The following OPA1 variants were observed in gnomAD, a reference collection of about 807,000 sequenced individuals.
OPA1 encodes the protein OPA1 mitochondrial dynamin like GTPase, also known as dynamin-like GTPase OPA1, mitochondrial.
In OPA1, 59 loss-of-function variants were observed where a neutral mutation model predicts 152.9. The observed-to-expected ratio is 0.39, with a 90% CI of 0.31 to 0.48. The LOEUF is 0.48. Ranked by LOEUF, OPA1 falls within the 20% of genes least tolerant of loss-of-function variation. OPA1 has a pLI of 0.96. For missense variants in OPA1, 1,008 were observed against 1,216.8 expected (o/e 0.83, Z 2.55); for synonymous variants, 400 against 389.9 (o/e 1.03, Z -0.31).
chr3:193,619,149 A>C (rs190921915), intron 6 of OPA1, among the ~76,000 whole-genome samples: 1 of 152,220 alleles, frequency 6.6e-6, no homozygotes, highest in Admixed American at 6.5e-5. Flanking sequence ...ACATATGTCC[A>C]GTGAAGCATT....
In OPA1 at chr3:193,631,621, A is replaced by G; in HGVS notation, c.799A>G (p.Lys267Glu). Reference sequence around the variant, plus strand: ...TATTTTAAACATTTAGGTGTCAGACAAAGAGAAAATTGACCAACTTCAGGA... The same window carrying G: ...TATTTTAAACATTTAGGTGTCAGACGAAGAGAAAATTGACCAACTTCAGGA... ...YAQQKRKVSD[K>E]EKIDQLQEEL... Residue 267 changes from lysine (K) to glutamate (E), a missense_variant, in exon 8 of 31, where the codon AAA becomes GAA. Transcript: ENST00000361510. 6.2e-7 allele frequency: 1 copy of G among 1,610,692 alleles called. No individual in the cohort carries two copies. The highest frequency in any genetic ancestry group is 8.5e-7 in the Non-Finnish European group (1 of 1,177,074).
At chr3:193,672,238 A>T (rs975601058) in intron 29 of OPA1, among the ~76,000 whole-genome samples, 1 of 152,224 alleles carries the variant, frequency 6.6e-6, no homozygotes, top group Non-Finnish European at 1.5e-5. Context: ...TATAATTCAT[A>T]AAATCTATCT....
At chr3:193,618,970 T>G (rs1456947700) in intron 6 of OPA1, 34 bp downstream of exon 6, 1 of 1,534,974 alleles carries the variant, frequency 6.5e-7, no homozygotes, top group East Asian at 2.2e-5. Context: ...ATGTAGGTAG[T>G]CTTGAAAGAT....
intron 29 of OPA1, among the ~76,000 whole-genome samples, chr3:193,673,058 T>A (rs990491475): frequency 2.0e-5 from 3 of 152,200 alleles, no homozygotes; most frequent in African/African-American, 7.2e-5. Context: ...TCACAACTTT[T>A]GAGTTAGGTA....
At position 193,696,816 on chromosome 3, in the gene OPA1, C is replaced by T. The variant is rs1722286554; in HGVS notation, c.*2216C>T. 2.0e-5 allele frequency: 3 copies of T among 152,242 alleles called. No individual in the cohort carries two copies. In the South Asian group the frequency reaches 6.2e-4, roughly 32 times the overall value. 9.4% of individuals were successfully genotyped at this position (152,242 alleles called of 1,614,324 possible). On this transcript the variant is annotated 3_prime_UTR_variant, in exon 31 of 31. Transcript: ENST00000361510. ...TGAACAACTGTAAATAGATGATATC[C>T]AAACTTAATTTGGCTAGGACTTCAA...
intron 26 of OPA1, among the ~76,000 whole-genome samples, chr3:193,663,562 A>T (rs576302298): frequency 6.6e-6 from 1 of 152,264 alleles, no homozygotes; most frequent in East Asian, 1.9e-4. Context: ...TTTAAAAACT[A>T]CATTCTCTAC....
At chr3:193,604,759 C>A (rs1272669036) in intron 1 of OPA1, among the ~76,000 whole-genome samples, 1 of 149,694 alleles carries the variant, frequency 6.7e-6, no homozygotes, top group Non-Finnish European at 1.5e-5. Context: ...ACTCGGGAGG[C>A]TGAGGCAGGA....
At chr3:193,615,182 A>G in intron 2 of OPA1, 141 bp downstream of exon 2, 1 of 729,606 alleles carries the variant, frequency 1.4e-6, no homozygotes, top group South Asian at 1.6e-5. Flanking sequence ...GATTGTTTTA[A>G]TGATGCTAAT....
chr3:193,631,912 G>A (rs1732140704), intron 8 of OPA1: 1 of 568,978 alleles, frequency 1.8e-6, no homozygotes, highest in Non-Finnish European at 3.1e-6. Flanking sequence ...CCAAAAGGGA[G>A]AAAGTGGCTT....
intron 8 of OPA1, 185 bp downstream of exon 8, chr3:193,631,850 T>C (rs531482042): frequency 1.6e-6 from 1 of 621,604 alleles, no homozygotes; most frequent in South Asian, 2.1e-5. Context: ...ACTAGATAAG[T>C]ATGGAGTTAA....
At chr3:193,688,096 A>T (rs956965338) in intron 29 of OPA1, among the ~76,000 whole-genome samples, 4 of 152,064 alleles carry the variant, frequency 2.6e-5, no homozygotes, top group African/African-American at 9.7e-5. Flanking sequence ...CTCCCTCTTG[A>T]TCACTAGTGT....
At chr3:193,601,643 A>G (rs1258628396) in intron 1 of OPA1, among the ~76,000 whole-genome samples, 13 of 152,214 alleles carry the variant, frequency 8.5e-5, no homozygotes, top group Admixed American at 6.5e-4. Context: ...TGGATATACA[A>G]GCAATCACTT....
rs1481370018 is a variant in OPA1, at chr3:193,635,483, G to A, written c.909G>A (p.Leu303=). 1.2e-6 allele frequency: 2 copies of A among 1,608,410 alleles called. No homozygotes were observed. Among genetic ancestry groups the A allele is most frequent in the East Asian group, 2.2e-5 (1 of 44,658 alleles). The change falls in exon 9 of 31, where the codon TTG becomes TTA. Residue 303 remains leucine (L), a synonymous_variant. Coordinates refer to ENST00000361510, the MANE Select transcript of OPA1 (RefSeq NM_130837.3). ...ACAAAGAATTGAGAAAATTAGTATT[G>A]CAGAAAGATGACAAAGGCATTCATC... The part of the protein sequence containing the change: ...KENKELRKLV[L]QKDDKGIHHR...
chr3:193,666,381 A>G lies in OPA1; in HGVS notation c.2864A>G (p.Asn955Ser), dbSNP rs1293122850. The change falls in exon 28 of 31, where the codon AAT (asparagine) becomes AGT (serine). Residue 955 changes from asparagine (N) to serine (S), a missense_variant. Asn to Ser is a conservative substitution (Grantham distance 46, BLOSUM62 1). Coordinates refer to ENST00000361510, the MANE Select transcript of OPA1 (RefSeq NM_130837.3). Reference sequence around the variant, plus strand: ...AATACTTTAAGGCAACAACTTACAAATACTGAAGGTAAGCCACATAGGGAC... The same window carrying G: ...AATACTTTAAGGCAACAACTTACAAGTACTGAAGGTAAGCCACATAGGGAC... ...TANTLRQQLT[N>S]TEVRRLEKNV... The G allele has an allele frequency of 1.9e-6, 3 of 1,613,100 alleles. No individual in the cohort carries two copies. The highest frequency in any genetic ancestry group is 2.5e-6 in the Non-Finnish European group (3 of 1,179,130).
intron 3 of OPA1, among the ~76,000 whole-genome samples, chr3:193,616,324 A>G (rs1393558035): frequency 6.6e-6 from 1 of 151,960 alleles, no homozygotes; most frequent in Non-Finnish European, 1.5e-5. Flanking sequence ...TTTTTCTTTT[A>G]ATTTTTTTCT....
chr3:193,600,881 G>C (rs1726357575), intron 1 of OPA1, among the ~76,000 whole-genome samples: 1 of 152,108 alleles, frequency 6.6e-6, no homozygotes, highest in Non-Finnish European at 1.5e-5. Context: ...TTTCTTTATT[G>C]TACTTGGTGG....
intron 11 of OPA1, among the ~76,000 whole-genome samples, chr3:193,639,912 G>A (rs1733501575): frequency 6.6e-6 from 1 of 152,088 alleles, no homozygotes; most frequent in East Asian, 1.9e-4. Flanking sequence ...TATGGAGAGG[G>A]GAGAGAAGAA....
At chr3:193,676,382 A>T (rs1327328555) in intron 29 of OPA1, among the ~76,000 whole-genome samples, 5 of 152,218 alleles carry the variant, frequency 3.3e-5, no homozygotes, top group Non-Finnish European at 7.3e-5. Context: ...ATAGTAAGGC[A>T]GTTAACACAT....
At chr3:193,649,003 T>A in intron 21 of OPA1, 132 bp downstream of exon 21, 1 of 646,284 alleles carries the variant, frequency 1.5e-6, no homozygotes, top group South Asian at 1.8e-5. Flanking sequence ...AATAGTATAT[T>A]TTTTTGGCAA....
Sources: allele counts gnomAD v4.1 joint callset (sites outside exome capture counted in the v4.1 genomes callset), GRCh38; gene constraint gnomAD v4.1.1; transcripts MANE v1.5; gene names NCBI Gene and HGNC (gene_info 2026-07-23, HGNC 2026-07-21).